NUMB: variants seen among roughly 807,000 people sequenced by gnomAD.
The protein encoded by NUMB is protein numb homolog.
Under a neutral mutation model 59.7 loss-of-function variants are expected in NUMB, and 29 were observed. The observed-to-expected ratio is 0.49, with a 90% CI of 0.36 to 0.66. The LOEUF is 0.66. Ranked by LOEUF, NUMB falls within the 30% of genes least tolerant of loss-of-function variation. The pLI is 0.00. For synonymous variants in NUMB, 288 were observed against 288.2 expected, an observed-to-expected ratio of 1.00 and a Z score of 0.01; for missense variants, 723 against 822.0, an observed-to-expected ratio of 0.88 and a Z score of 1.47.
At chr14:73,456,635 A>G (rs963472465) in intron 1 of NUMB, among the ~76,000 whole-genome samples, 14 of 152,214 alleles carry the variant, frequency 9.2e-5, no homozygotes, top group African/African-American at 3.1e-4. Context: ...ATAAATCACA[A>G]TCCACAGTTT....
intron 4 of NUMB, among the ~76,000 whole-genome samples, chr14:73,337,088 C>T (rs1445464624): frequency 2.0e-5 from 3 of 151,212 alleles, no homozygotes; most frequent in South Asian, 2.1e-4. Flanking sequence ...CAAAATTAGC[C>T]GGGCGTGGTG....
intron 4 of NUMB, among the ~76,000 whole-genome samples, chr14:73,329,985 G>C (rs568718173): frequency 6.6e-6 from 1 of 152,258 alleles, no homozygotes; most frequent in South Asian, 2.1e-4. Context: ...GTATTTACCT[G>C]CTTATTTCTT....
chr14:73,384,633 T>A (rs1895408296), intron 2 of NUMB, among the ~76,000 whole-genome samples: 1 of 152,164 alleles, frequency 6.6e-6, no homozygotes, highest in African/African-American at 2.4e-5. Context: ...CATAGGGTGA[T>A]CTTGGCTAAC....
chr14:73,417,265 C>T (rs1277747538), intron 1 of NUMB, among the ~76,000 whole-genome samples: 1 of 152,138 alleles, frequency 6.6e-6, no homozygotes, highest in East Asian at 1.9e-4. Flanking sequence ...AAAGGCTTCA[C>T]TCTGACTTAC....
intron 6 of NUMB, among the ~76,000 whole-genome samples, chr14:73,307,819 G>A (rs1231553492): frequency 7.3e-6 from 1 of 137,692 alleles, no homozygotes; most frequent in African/African-American, 2.8e-5. Context: ...TGCAAGCTCC[G>A]CCTCCCGGGT....
Position 73,310,707 on chromosome 14 carries a change from T to C in NUMB, c.234+5683A>G, listed in dbSNP as rs1239617716. Reference sequence around the variant, plus strand: ...CCCTGTCCAATTCACTGAACTGTTATGAATGGCAAATTAGAAAGTAGGTCA... The same window carrying C: ...CCCTGTCCAATTCACTGAACTGTTACGAATGGCAAATTAGAAAGTAGGTCA... On this transcript the variant is annotated intron_variant, in intron 6 of 12. Coordinates refer to ENST00000555238, the MANE Select transcript of NUMB (RefSeq NM_001005743.2). Among the ~76,000 whole-genome samples, 5 of 152,128 alleles carry C rather than the reference T, an allele frequency of 3.3e-5. No individual in the cohort carries two copies. The East Asian group carries it at 5.8e-4, about 18-fold the overall frequency.
At chr14:73,284,502 A>G (rs1324549340) in intron 9 of NUMB, 128 bp from the exon 10 acceptor site, 6 of 744,812 alleles carry the variant, frequency 8.1e-6, no homozygotes, top group Non-Finnish European at 1.3e-5. Flanking sequence ...TTAAAACATA[A>G]GTTAGAAGCA....
chr14:73,340,348 C>G (rs1892566953), intron 4 of NUMB, among the ~76,000 whole-genome samples: 1 of 152,176 alleles, frequency 6.6e-6, no homozygotes, highest in African/African-American at 2.4e-5. Flanking sequence ...TCCACTGATG[C>G]CCAAAAACCA....
intron 4 of NUMB, among the ~76,000 whole-genome samples, chr14:73,343,314 T>C (rs1892738729): frequency 6.6e-6 from 1 of 152,076 alleles, no homozygotes; most frequent in Non-Finnish European, 1.5e-5. Context: ...GTTCTTGTAA[T>C]GGTCTAAGGG....
chr14:73,297,144 G>T, intron 7 of NUMB, 67 bp downstream of exon 7: 1 of 1,069,636 alleles, frequency 9.3e-7, no homozygotes, highest in Non-Finnish European at 1.4e-6. Context: ...TCCAGCCTGG[G>T]TGACAAGAGT....
chr14:73,369,044 CT>C (rs66895849), intron 2 of NUMB, among the ~76,000 whole-genome samples: 95,896 of 133,702 alleles, frequency 0.72, 34,056 homozygotes, highest in African/African-American at 0.86. Context: ...AGAACATTTT[CT>C]TTTTTTTTTT....
intron 11 of NUMB, chr14:73,281,275 C>T (rs776665462): frequency 1.3e-5 from 2 of 151,670 alleles, no homozygotes; most frequent in African/African-American, 2.4e-5. Context: ...TAACACCTAC[C>T]TCACAGGCTT....
chr14:73,369,285 C>T (rs1566764962), intron 2 of NUMB, among the ~76,000 whole-genome samples: 2 of 152,172 alleles, frequency 1.3e-5, no homozygotes, highest in Non-Finnish European at 2.9e-5. Context: ...TCGTGATCCA[C>T]CTGCCTCAGC....
At chr14:73,279,111 T>C (rs555289722) in intron 12 of NUMB, among the ~76,000 whole-genome samples, 170 bp downstream of exon 12, 1 of 152,316 alleles carries the variant, frequency 6.6e-6, no homozygotes, top group East Asian at 1.9e-4. Flanking sequence ...TCTGATCTCT[T>C]TTGTTCTCCT....
At chr14:73,357,467 A>T (rs1233365351) in intron 3 of NUMB, among the ~76,000 whole-genome samples, 7 of 151,666 alleles carry the variant, frequency 4.6e-5, no homozygotes, top group Non-Finnish European at 8.8e-5. Context: ...ACATTTTAAA[A>T]ACATACATGG....
chr14:73,291,287 G>C (rs11159013), intron 8 of NUMB, among the ~76,000 whole-genome samples: 10,605 of 152,066 alleles, frequency 0.07, 825 homozygotes, highest in South Asian at 0.19. Flanking sequence ...CATCATGTTG[G>C]CCAGGCTGGT....
intron 1 of NUMB, among the ~76,000 whole-genome samples, chr14:73,428,947 A>T (rs553674203): frequency 6.6e-6 from 1 of 152,230 alleles, no homozygotes; most frequent in African/African-American, 2.4e-5. Flanking sequence ...GAAAAAACAC[A>T]TAACTATGTA....
chr14:73,302,106 A>C (rs1212424702), intron 6 of NUMB, among the ~76,000 whole-genome samples: 1 of 152,046 alleles, frequency 6.6e-6, no homozygotes, highest in Non-Finnish European at 1.5e-5. Flanking sequence ...AATAAAAAAA[A>C]TTGTGCTTTT....
intron 8 of NUMB, among the ~76,000 whole-genome samples, chr14:73,291,858 G>T (rs1889423577): frequency 6.6e-6 from 1 of 150,966 alleles, no homozygotes; most frequent in Non-Finnish European, 1.5e-5. Context: ...TAATTTTTTT[G>T]TATTTTTAGT....
Sources: allele counts gnomAD v4.1 joint callset (sites outside exome capture counted in the v4.1 genomes callset), GRCh38; gene constraint gnomAD v4.1.1; transcripts MANE v1.5; gene names NCBI Gene and HGNC (gene_info 2026-07-23, HGNC 2026-07-21).